USP40: variants seen among roughly 807,000 people sequenced by gnomAD.
The protein encoded by USP40 is ubiquitin carboxyl-terminal hydrolase 40.
A neutral mutation model predicts 166.2 loss-of-function variants in USP40; 143 were observed. The observed-to-expected ratio is 0.86, with a 90% CI of 0.75 to 0.99. The LOEUF (loss-of-function observed/expected upper bound fraction) is 0.99, where lower values mean the gene tolerates loss of function less well. Ranked by LOEUF, USP40 falls within the 50% of genes least tolerant of loss-of-function variation. The probability of loss-of-function intolerance (pLI) is 0.00; values close to 1 mark genes in which losing one functional copy is unlikely to be tolerated. For synonymous variants in USP40, 498 were observed against 524.0 expected (o/e 0.95, Z 0.68); for missense variants, 1,444 against 1,479.7 (o/e 0.98, Z 0.40).
chr2:233,512,113 A>AATCC (rs1241342858), intron 19 of USP40: 14 of 218,868 alleles, frequency 6.4e-5, no homozygotes, highest in Admixed American at 6.1e-4. Flanking sequence ...AATCCAAATC[A>AATCC]ATCCATAAAT....
At position 233,527,904 on chromosome 2, in the gene USP40, ATTATG is replaced by A. The variant is rs558561940; in HGVS notation, c.1554-331_1554-327del. ...AAAATGCTAGAGACCTGCTTACATC[ATTATG>A]TTAAGTAGCAGATTTACTTCCATGT... On this transcript the variant is annotated intron_variant, in intron 12 of 31. Transcript: ENST00000678225. Among the ~76,000 whole-genome samples, 486 of 151,990 alleles carry A rather than the reference ATTATG, an allele frequency of 3.2e-3. 1 individual carries two copies. The highest frequency in any genetic ancestry group is 0.01 in the African/African-American group (424 of 41,428).
intron 26 of USP40, chr2:233,489,938 C>T (rs838562): frequency 0.2 from 30,897 of 157,662 alleles, 3,198 homozygotes; most frequent in Non-Finnish European, 0.21. Flanking sequence ...ATTTCAAAAT[C>T]TTTGGCTGCA....
intron 6 of USP40, among the ~76,000 whole-genome samples, chr2:233,552,248 A>G (rs1271426073): frequency 6.6e-6 from 1 of 151,500 alleles, no homozygotes. Context: ...AAAAAACCCC[A>G]GCAATATAAC....
chr2:233,547,941 G>C (rs2070141910), intron 8 of USP40, among the ~76,000 whole-genome samples: 1 of 152,048 alleles, frequency 6.6e-6, no homozygotes, highest in Non-Finnish European at 1.5e-5. Context: ...ACAGCATGTA[G>C]GGAGACTTGT....
At chr2:233,535,141 C>T (rs1051189266) in intron 10 of USP40, among the ~76,000 whole-genome samples, 6 of 152,034 alleles carry the variant, frequency 3.9e-5, no homozygotes, top group South Asian at 2.1e-4. Context: ...ACCAGAGAGG[C>T]GAGATCCCAC....
At chr2:233,491,043 G>A (rs1258323306) in intron 26 of USP40, 124 bp downstream of exon 26, 1 of 822,170 alleles carries the variant, frequency 1.2e-6, no homozygotes, top group Admixed American at 2.0e-5. Context: ...ACTGAACATG[G>A]CATATGACAA....
intron 5 of USP40, among the ~76,000 whole-genome samples, chr2:233,555,880 C>T (rs1328152888): frequency 6.6e-6 from 1 of 151,810 alleles, no homozygotes; most frequent in Non-Finnish European, 1.5e-5. Flanking sequence ...TTTGGGAGGC[C>T]AAGGTGGGCA....
intron 11 of USP40, among the ~76,000 whole-genome samples, chr2:233,531,054 A>C (rs1307581254): frequency 6.6e-6 from 1 of 152,232 alleles, no homozygotes; most frequent in Non-Finnish European, 1.5e-5. Context: ...TGTATAACAA[A>C]GAAAAATGGC....
intron 31 of USP40, among the ~76,000 whole-genome samples, chr2:233,479,204 G>A (rs968763718): frequency 7.2e-5 from 11 of 152,218 alleles, no homozygotes; most frequent in African/African-American, 1.4e-4. Context: ...CAGCCCTGGT[G>A]ACAACTAAGG....
intron 24 of USP40, among the ~76,000 whole-genome samples, chr2:233,494,378 G>A (rs952745790): frequency 6.6e-6 from 1 of 152,036 alleles, no homozygotes; most frequent in African/African-American, 2.4e-5. Context: ...ATAAACTGCT[G>A]AGAAGTTTCT....
chr2:233,539,221 A>AT (rs893116164), intron 10 of USP40, among the ~76,000 whole-genome samples: 36 of 151,520 alleles, frequency 2.4e-4, no homozygotes, highest in Admixed American at 1.3e-3. Context: ...GCAAAAAAAA[A>AT]AATAAGAAGA....
rs529987092 is a variant in USP40, at chr2:233,540,667, G to A, written c.1165C>T (p.Arg389Trp). 1.3e-5 allele frequency: 21 copies of A among 1,606,740 alleles called. No individual in the cohort carries two copies. The highest frequency in any genetic ancestry group is 4.0e-5 in the African/African-American group (3 of 74,780). The change falls in exon 10 of 32, where the codon CGG becomes TGG. Residue 389 changes from arginine to tryptophan, a missense_variant. Transcript: ENST00000678225. ...AAAACGATGCCATGTATTACCTTCC[G>A]CAGTGGTCCATGCTGTTTTCTGTAC... Reference protein sequence around the residue: ...KKYRKQHGPLRKFLQLHSQIF... With the variant: ...KKYRKQHGPLWKFLQLHSQIF...
At chr2:233,494,942 ATATATATATATATT>A (rs1446952876) in intron 24 of USP40, among the ~76,000 whole-genome samples, 10,857 of 57,080 alleles carry the variant, frequency 0.19, 941 homozygotes, top group Non-Finnish European at 0.21. Flanking sequence ...ATATATATAT[ATATATATATATATT>A]TATATATATA....
chr2:233,560,019 G>T, intron 3 of USP40, 95 bp from the exon 4 acceptor site: 1 of 705,792 alleles, frequency 1.4e-6, no homozygotes. Flanking sequence ...ATATCTCCCA[G>T]TTCATTCAGG....
intron 11 of USP40, among the ~76,000 whole-genome samples, chr2:233,531,140 T>G (rs2068491713): frequency 6.6e-6 from 1 of 152,160 alleles, no homozygotes; most frequent in South Asian, 2.1e-4. Flanking sequence ...TTCCCCAAAA[T>G]ATCTGAAGAG....
rs761183988 is a variant in USP40, at chr2:233,549,195, A to G, written c.872T>C (p.Leu291Pro). ...ACCTTTGTGTATAATAACTGAGAAG[A>G]GGTCATATATATATTCTAAGTCATC... ...ELDDLEYIYD[L>P]FSVIIHKGGC... Residue 291 changes from leucine (L) to proline (P), a missense_variant, in exon 8 of 32, where the codon CTC becomes CCC. Transcript: ENST00000678225. 2.0e-6 allele frequency: 3 copies of G among 1,517,354 alleles called. No homozygotes were observed. Among genetic ancestry groups the G allele is most frequent in the Non-Finnish European group, 2.7e-6 (3 of 1,101,930 alleles). 94.0% of individuals were successfully genotyped at this position (1,517,354 alleles called of 1,614,324 possible). A position where few individuals can be genotyped will look rare whatever the true frequency, so the allele number is the denominator to read the frequency against.
At chr2:233,494,969 TATATATATATACAC>T (rs1559224485) in intron 24 of USP40, among the ~76,000 whole-genome samples, 48 of 67,254 alleles carry the variant, frequency 7.1e-4, no homozygotes, top group African/African-American at 3.4e-3. Flanking sequence ...TATATATATA[TATATATATATACAC>T]ACACATAAAA....
intron 2 of USP40, among the ~76,000 whole-genome samples, chr2:233,563,683 T>C (rs1336372843): frequency 6.6e-6 from 1 of 152,176 alleles, no homozygotes; most frequent in Non-Finnish European, 1.5e-5. Context: ...TTTAAAATAC[T>C]ATTCCAAAAT....
chr2:233,562,659 T>C (rs550654367), intron 3 of USP40, 77 bp downstream of exon 3: 624 of 1,096,756 alleles, frequency 5.7e-4, no homozygotes, highest in Non-Finnish European at 7.3e-4. Flanking sequence ...GGCACATGTA[T>C]ACATATGTAA....
Sources: gnomAD v4.1 joint callset for allele counts (sites outside exome capture counted in the v4.1 genomes callset) on GRCh38, gnomAD v4.1.1 for gene constraint, MANE v1.5 for transcripts, NCBI Gene and HGNC (gene_info 2026-07-23, HGNC 2026-07-21) for gene names.